Variants in C12orf60 observed in about 807,000 individuals in gnomAD.
C12orf60 encodes the protein uncharacterized protein C12orf60.
For missense variants in C12orf60, 284 were observed against 283.2 expected, an observed-to-expected ratio of 1.00 and a Z score of -0.02; for synonymous variants, 102 against 94.6, an observed-to-expected ratio of 1.08 and a Z score of -0.45.
At chr12:14,806,100 C>T in intron 1 of C12orf60, 1 of 1,614,144 alleles carries the variant, frequency 6.2e-7, no homozygotes, top group Non-Finnish European at 8.5e-7. Flanking sequence ...CTTCTCATAA[C>T]TTTTGATGGC....
At chr12:14,804,369 T>C (rs1950015500) in intron 1 of C12orf60, among the ~76,000 whole-genome samples, 1 of 152,204 alleles carries the variant, frequency 6.6e-6, no homozygotes, top group Admixed American at 6.5e-5. Flanking sequence ...ATACGCTTGG[T>C]TATTTCTAAT....
At chr12:14,805,970 G>C (rs759286011) in intron 1 of C12orf60, 1 of 1,557,726 alleles carries the variant, frequency 6.4e-7, no homozygotes, top group Non-Finnish European at 8.7e-7. Flanking sequence ...AAAGGAAGCA[G>C]AAAAACACTT....
intron 1 of C12orf60, among the ~76,000 whole-genome samples, chr12:14,811,771 T>G (rs146130019): frequency 6.6e-6 from 1 of 152,272 alleles, no homozygotes; most frequent in East Asian, 1.9e-4. Context: ...CAAATACAAC[T>G]CTTCAGGGTA....
At chr12:14,810,524 A>G (rs756515124) in intron 1 of C12orf60, among the ~76,000 whole-genome samples, 3 of 152,214 alleles carry the variant, frequency 2.0e-5, no homozygotes, top group Non-Finnish European at 2.9e-5. Flanking sequence ...TGGAATTTCT[A>G]ATCTAGTTAG....
At chr12:14,809,496 TTCTA>T (rs1483810448) in intron 1 of C12orf60, among the ~76,000 whole-genome samples, 5 of 152,300 alleles carry the variant, frequency 3.3e-5, no homozygotes, top group South Asian at 2.1e-4. Context: ...AAGCAGACCC[TTCTA>T]TCTGTTTAAT....
At chr12:14,808,729 T>C (rs1950093133) in intron 1 of C12orf60, among the ~76,000 whole-genome samples, 1 of 152,160 alleles carries the variant, frequency 6.6e-6, no homozygotes, top group Non-Finnish European at 1.5e-5. Context: ...CCTGGTAAAA[T>C]AAACTACCAT....
chr12:14,823,396 G>A lies in C12orf60; in HGVS notation c.461G>A (p.Ser154Asn). The A allele has an allele frequency of 6.2e-7, 1 of 1,614,042 alleles. No individual in the cohort carries two copies. Among genetic ancestry groups the A allele is most frequent in the Non-Finnish European group, 8.5e-7 (1 of 1,180,004 alleles). Residue 154 changes from serine to asparagine, a missense_variant, in exon 2 of 2, where the codon AGT (serine) becomes AAT (asparagine). Physicochemically the swap from Ser to Asn is conservative, Grantham distance 46 (BLOSUM62 1). Coordinates refer to ENST00000330828, the MANE Select transcript of C12orf60 (RefSeq NM_175874.4). Reference sequence around the variant, plus strand: ...TTCCCCATCATGAATCTTCAATTAAGTGACTTCTATACAGAAGACACCAAA... The same window carrying A: ...TTCCCCATCATGAATCTTCAATTAAATGACTTCTATACAGAAGACACCAAA... Reference protein sequence around the residue: ...MKFPIMNLQLSDFYTEDTKEQ... With the variant: ...MKFPIMNLQLNDFYTEDTKEQ...
At chr12:14,811,465 T>G (rs1360779078) in intron 1 of C12orf60, among the ~76,000 whole-genome samples, 1 of 152,200 alleles carries the variant, frequency 6.6e-6, no homozygotes, top group Non-Finnish European at 1.5e-5. Context: ...CTTGTTATTT[T>G]ATTAAAAAAT....
In C12orf60 at chr12:14,823,216, T is replaced by A; in HGVS notation, c.281T>A (p.Met94Lys). The A allele has an allele frequency of 1.2e-6, 2 of 1,614,152 alleles. No individual in the cohort carries two copies. The highest frequency in any genetic ancestry group is 2.2e-5 in the South Asian group (2 of 91,082). ...ESLCSKVAMA[M>K]CSVVQKSTNV... ...TTATGTTCCAAGGTTGCAATGGCCA[T>A]GTGCTCTGTGGTTCAGAAGAGTACC... The change falls in exon 2 of 2, where the codon ATG becomes AAG. Residue 94 changes from methionine to lysine, a missense_variant. By Grantham distance (95) the Met-to-Lys change is moderately conservative. Coordinates refer to ENST00000330828, the MANE Select transcript of C12orf60 (RefSeq NM_175874.4).
At chr12:14,804,429 A>C (rs1950016159) in intron 1 of C12orf60, among the ~76,000 whole-genome samples, 1 of 152,220 alleles carries the variant, frequency 6.6e-6, no homozygotes, top group African/African-American at 2.4e-5. Context: ...ACCAGTTATA[A>C]ATATTTCAAA....
chr12:14,823,431 G>C lies in C12orf60; in HGVS notation c.496G>C (p.Asp166His), dbSNP rs774470193. The change falls in exon 2 of 2, where the codon GAT becomes CAT. Residue 166 changes from aspartate (D) to histidine (H), a missense_variant. Asp to His is a moderately conservative substitution (Grantham distance 81). Transcript: ENST00000330828. ...TACAGAAGACACCAAAGAGCAATCA[G>C]ATGTCACCACATCTGAGAGAACCAG... ...FYTEDTKEQS[D>H]VTTSERTRSP... is the part of the protein sequence containing the mutation. 6 of 1,613,820 alleles carry C rather than the reference G, an allele frequency of 3.7e-6. No homozygotes were observed. The East Asian group carries it at 1.3e-4, about 36-fold the overall frequency.
At chr12:14,822,861 G>T in intron 1 of C12orf60, 51 bp from the exon 2 acceptor site, 1 of 1,451,134 alleles carries the variant, frequency 6.9e-7, no homozygotes, top group Non-Finnish European at 9.2e-7. Flanking sequence ...TTTCTTTATG[G>T]TTGCCAAATC....
At chr12:14,806,691 T>G in intron 1 of C12orf60, 1 of 1,564,228 alleles carries the variant, frequency 6.4e-7, no homozygotes. Context: ...ATTTCCAATA[T>G]GATCGCTGAA....
intron 1 of C12orf60, among the ~76,000 whole-genome samples, chr12:14,809,190 G>A (rs1298302802): frequency 6.6e-6 from 1 of 152,138 alleles, no homozygotes. Context: ...TCCAGAAAAG[G>A]TGGGTGGTTC....
intron 1 of C12orf60, among the ~76,000 whole-genome samples, chr12:14,817,279 A>T (rs1950237162): frequency 6.6e-6 from 1 of 152,202 alleles, no homozygotes; most frequent in South Asian, 2.1e-4. Flanking sequence ...TATGGGTATC[A>T]GGCTTTTCCA....
intron 1 of C12orf60, among the ~76,000 whole-genome samples, chr12:14,820,195 G>A (rs895670572): frequency 6.6e-6 from 1 of 151,890 alleles, no homozygotes; most frequent in African/African-American, 2.4e-5. Flanking sequence ...TTTTATATCT[G>A]TAGGGTCATA....
intron 1 of C12orf60, among the ~76,000 whole-genome samples, chr12:14,814,513 C>T (rs1047736065): frequency 6.6e-6 from 1 of 152,122 alleles, no homozygotes; most frequent in East Asian, 1.9e-4. Flanking sequence ...GGGGTTTTAT[C>T]TTGTCAACTA....
chr12:14,806,336 C>T, intron 1 of C12orf60: 1 of 1,614,222 alleles, frequency 6.2e-7, no homozygotes, highest in Non-Finnish European at 8.5e-7. Context: ...CCGAAATAAC[C>T]TTTTGCACTA....
rs1163079117 is a variant in C12orf60 at position 14,803,742 on chromosome 12, TG to T, written c.-31del. ...GTTGGAGGCATCTTGACTTAGTTGC[TG>T]GGAGCCTGGTACGTTGAGCCGTCCG... On this transcript the variant is annotated 5_prime_UTR_variant, in exon 1 of 2. Transcript: ENST00000330828. 2.7e-6 allele frequency: 1 copy of T among 367,594 alleles called. No individual in the cohort carries two copies. 22.8% of individuals were successfully genotyped at this position (367,594 alleles called of 1,614,324 possible).
Sources: gnomAD v4.1 joint callset for allele counts (sites outside exome capture counted in the v4.1 genomes callset) on GRCh38, gnomAD v4.1.1 for gene constraint, MANE v1.5 for transcripts, NCBI Gene and HGNC (gene_info 2026-07-23, HGNC 2026-07-21) for gene names.